Variants in RBFOX1 observed in about 807,000 individuals in gnomAD.
The protein encoded by RBFOX1 is RNA binding protein fox-1 homolog 1.
In RBFOX1, 8 loss-of-function variants were observed where a neutral mutation model predicts 57.7. The observed-to-expected ratio is 0.14, with a 90% CI of 0.08 to 0.25. RBFOX1 has a LOEUF of 0.25. RBFOX1 is among the 10% of genes least tolerant of loss of function. The pLI, the probability that RBFOX1 is intolerant of heterozygous loss-of-function variation, is 1.00. For synonymous variants in RBFOX1, 326 were observed against 222.4 expected, an observed-to-expected ratio of 1.47 and a Z score of -4.15; for missense variants, 611 against 548.5, an observed-to-expected ratio of 1.11 and a Z score of -1.14.
At chr16:7,450,806 C>T (rs975687018) in intron 4 of RBFOX1, among the ~76,000 whole-genome samples, 23 of 152,180 alleles carry the variant, frequency 1.5e-4, no homozygotes, top group African/African-American at 5.3e-4. Flanking sequence ...GGCTCAATGA[C>T]AGCAGGAGGA....
chr16:7,235,684 TC>T (rs1443208037), intron 4 of RBFOX1, among the ~76,000 whole-genome samples: 1 of 152,208 alleles, frequency 6.6e-6, no homozygotes, highest in African/African-American at 2.4e-5. Flanking sequence ...AAGAATATCC[TC>T]TTTGAGGGTT....
intron 4 of RBFOX1, among the ~76,000 whole-genome samples, chr16:7,058,811 G>A (rs879466606): frequency 6.6e-6 from 1 of 152,014 alleles, no homozygotes; most frequent in Non-Finnish European, 1.5e-5. Context: ...CGTATTTTAT[G>A]TTCCATTTAT....
chr16:6,961,843 A>T (rs965508447), intron 3 of RBFOX1, among the ~76,000 whole-genome samples: 20 of 152,176 alleles, frequency 1.3e-4, no homozygotes, highest in Non-Finnish European at 5.9e-5. Flanking sequence ...GCAAACCAGA[A>T]GTCACTTTCC....
chr16:7,195,701 C>T (rs541208240), intron 4 of RBFOX1, among the ~76,000 whole-genome samples: 4 of 152,160 alleles, frequency 2.6e-5, no homozygotes, highest in African/African-American at 4.8e-5. Context: ...TACAGGCCTG[C>T]ACCACCACAC....
intron 3 of RBFOX1, among the ~76,000 whole-genome samples, chr16:6,764,404 C>G (rs2077043084): frequency 6.6e-6 from 1 of 152,134 alleles, no homozygotes; most frequent in Admixed American, 6.5e-5. Flanking sequence ...GTAGCCCATT[C>G]TTAGTTCTGT....
At chr16:6,710,838 A>G (rs902361466) in intron 3 of RBFOX1, among the ~76,000 whole-genome samples, 1 of 152,202 alleles carries the variant, frequency 6.6e-6, no homozygotes, top group African/African-American at 2.4e-5. Context: ...TAGCAAAAAC[A>G]AATTTGGTGA....
chr16:5,750,558 C>A (rs2053159040), intron 3 of RBFOX1, among the ~76,000 whole-genome samples: 1 of 152,210 alleles, frequency 6.6e-6, no homozygotes, highest in African/African-American at 2.4e-5. Context: ...ACTCAAGCCT[C>A]AGCAATGGCA....
chr16:7,087,721 CT>C (rs2151039347), intron 4 of RBFOX1, among the ~76,000 whole-genome samples: 1 of 152,238 alleles, frequency 6.6e-6, no homozygotes, highest in African/African-American at 2.4e-5. Flanking sequence ...AAGAGGGTCT[CT>C]AAGGACTTGA....
At chr16:6,736,367 C>G (rs1021014391) in intron 3 of RBFOX1, among the ~76,000 whole-genome samples, 13 of 152,104 alleles carry the variant, frequency 8.5e-5, no homozygotes, top group African/African-American at 2.9e-4. Flanking sequence ...CCTTTGCATT[C>G]TCATAGCTTA....
At chr16:6,368,208 A>G (rs1216939079) in intron 2 of RBFOX1, among the ~76,000 whole-genome samples, 2 of 152,178 alleles carry the variant, frequency 1.3e-5, no homozygotes, top group Non-Finnish European at 2.9e-5. Flanking sequence ...TATACCCTGA[A>G]TGAAAAATAT....
chr16:6,830,194 G>C lies in RBFOX1; in HGVS notation c.-16+175544G>C, dbSNP rs566230578. Among the ~76,000 whole-genome samples, 28 of 152,308 alleles carry C rather than the reference G, an allele frequency of 1.8e-4. No homozygotes were observed. The South Asian group carries it at 5.8e-3, about 32-fold the overall frequency. On this transcript the variant is annotated intron_variant, in intron 3 of 15. Transcript: ENST00000550418. ...AGCCTCCCAAAGTGCTGGGATTACA[G>C]GTGTGAGCCACCATGCCTGGCTGAA...
At chr16:7,319,528 G>A (rs748235800) in intron 4 of RBFOX1, among the ~76,000 whole-genome samples, 2 of 152,096 alleles carry the variant, frequency 1.3e-5, no homozygotes, top group African/African-American at 2.4e-5. Flanking sequence ...CAATCTGTTT[G>A]GCATGGCTCT....
chr16:6,225,537 G>T (rs567283457), intron 1 of RBFOX1, among the ~76,000 whole-genome samples: 72 of 152,138 alleles, frequency 4.7e-4, no homozygotes, highest in African/African-American at 1.6e-3. Flanking sequence ...TTTCCCCCAG[G>T]GTTTTAAAAT....
chr16:5,277,935 T>C lies in RBFOX1; in HGVS notation c.219+37830T>C, dbSNP rs147316393. ...TTAGATTGATTCCATATCTTGGCTA[T>C]TGTAAATAGTGCTGCAGTAAATATG... On this transcript the variant is annotated intron_variant, in intron 1 of 2. Transcript: ENST00000585867. 1.9e-4 allele frequency among the ~76,000 whole-genome samples: 29 copies of C among 152,348 alleles called. No homozygotes were observed. The East Asian group carries it at 5.2e-3, about 27-fold the overall frequency.
intron 4 of RBFOX1, among the ~76,000 whole-genome samples, chr16:7,076,115 C>A (rs1314958221): frequency 2.7e-5 from 4 of 150,802 alleles, no homozygotes; most frequent in African/African-American, 7.3e-5. Context: ...GATCTCGGCT[C>A]ACTGCAACCT....
At chr16:6,141,737 GTGTAATTA>G (rs2096717640) in intron 1 of RBFOX1, among the ~76,000 whole-genome samples, 1 of 151,788 alleles carries the variant, frequency 6.6e-6, no homozygotes, top group Non-Finnish European at 1.5e-5. Flanking sequence ...TTTCTCCATT[GTGTAATTA>G]TTGTATGCTG....
chr16:5,812,541 C>G (rs907690869), intron 3 of RBFOX1, among the ~76,000 whole-genome samples: 10 of 150,948 alleles, frequency 6.6e-5, no homozygotes, highest in Non-Finnish European at 1.2e-4. Flanking sequence ...TCACTGCAGC[C>G]TCGAACTCCT....
chr16:7,011,888 C>G (rs749737839), intron 3 of RBFOX1, among the ~76,000 whole-genome samples: 27 of 152,280 alleles, frequency 1.8e-4, no homozygotes, highest in Middle Eastern at 3.4e-3. Flanking sequence ...GATGTTAGCT[C>G]AAGTGGTATT....
intron 4 of RBFOX1, among the ~76,000 whole-genome samples, chr16:7,390,687 A>G (rs1330753323): frequency 6.6e-6 from 1 of 152,210 alleles, no homozygotes; most frequent in Non-Finnish European, 1.5e-5. Flanking sequence ...AAAAGAATCA[A>G]TATGCTGTCT....
Sources: gnomAD v4.1 joint callset for allele counts (sites outside exome capture counted in the v4.1 genomes callset) on GRCh38, gnomAD v4.1.1 for gene constraint, MANE v1.5 for transcripts, NCBI Gene and HGNC (gene_info 2026-07-23, HGNC 2026-07-21) for gene names.